NAPEPLD: variants seen among roughly 807,000 people sequenced by gnomAD.
The protein encoded by NAPEPLD is N-acyl-phosphatidylethanolamine-hydrolyzing phospholipase D.
NAPEPLD carries 23 observed loss-of-function variants against 38.1 expected under a neutral mutation model. The observed-to-expected ratio is 0.60, with a 90% CI of 0.43 to 0.86. The LOEUF is 0.86. Among genes scored for constraint, NAPEPLD ranks in the 40% least tolerant of loss-of-function variants. The pLI, the probability that NAPEPLD is intolerant of heterozygous loss-of-function variation, is 0.00. For missense variants in NAPEPLD, 411 were observed against 476.8 expected, an observed-to-expected ratio of 0.86 and a Z score of 1.28; for synonymous variants, 147 against 162.0, an observed-to-expected ratio of 0.91 and a Z score of 0.71.
intron 2 of NAPEPLD, among the ~76,000 whole-genome samples, chr7:103,121,053 C>T (rs1806596316): frequency 6.6e-6 from 1 of 152,170 alleles, no homozygotes; most frequent in Admixed American, 6.5e-5. Context: ...AAATGGAGCG[C>T]TGTGATGATT....
At chr7:103,149,339 G>T, upstream of NAPEPLD, 1 of 1,149,566 alleles carries the variant, frequency 8.7e-7, no homozygotes, top group Non-Finnish European at 1.1e-6. Context: ...CGGCCACAGA[G>T]TCCCCGCGCA....
chr7:103,117,908 C>T (rs1403159882), intron 3 of NAPEPLD, among the ~76,000 whole-genome samples: 1 of 152,178 alleles, frequency 6.6e-6, no homozygotes, highest in Non-Finnish European at 1.5e-5. Context: ...TCAGGCTGGG[C>T]ATGGTGGCTA....
At chr7:103,149,244 A>AG, upstream of NAPEPLD, 2 of 997,318 alleles carry the variant, frequency 2.0e-6, no homozygotes, top group Non-Finnish European at 2.4e-6. Context: ...GCGCGGCCAG[A>AG]GCGGCGGGGT....
At chr7:103,117,242 TA>T (rs1296475295) in intron 3 of NAPEPLD, among the ~76,000 whole-genome samples, 2 of 152,220 alleles carry the variant, frequency 1.3e-5, no homozygotes, top group African/African-American at 4.8e-5. Flanking sequence ...TGCTGGGTCC[TA>T]CAGAAGGCTG....
intron 1 of NAPEPLD, among the ~76,000 whole-genome samples, chr7:103,145,825 T>A (rs1363844376): frequency 6.6e-6 from 1 of 151,774 alleles, no homozygotes; most frequent in Non-Finnish European, 1.5e-5. Flanking sequence ...ACAATCAGCA[T>A]AGGAAGATAA....
chr7:103,103,318 G>A lies in NAPEPLD; in HGVS notation c.*111C>T, dbSNP rs1802656382. On this transcript the variant is annotated 3_prime_UTR_variant, in exon 5 of 5. Transcript: ENST00000465647. ...AAACATAAAACATAAACTTGCAGAA[G>A]TTGTTTCCAAATGTAAAATAATCAC... is the stretch of plus-strand genomic sequence containing the variant. The A allele has an allele frequency of 8.6e-6, 11 of 1,284,584 alleles. No individual in the cohort carries two copies. The highest frequency in any genetic ancestry group is 1.5e-5 in the African/African-American group (1 of 66,330). 79.6% of individuals were successfully genotyped at this position (1,284,584 alleles called of 1,614,324 possible).
chr7:103,141,235 G>A, intron 1 of NAPEPLD: 1 of 392,046 alleles, frequency 2.6e-6, no homozygotes, highest in East Asian at 4.5e-5. Context: ...ATTACCTGTG[G>A]AGTTGTTTTT....
intron 4 of NAPEPLD, among the ~76,000 whole-genome samples, chr7:103,104,732 GAAAA>G (rs1179786394): frequency 6.6e-6 from 1 of 151,972 alleles, no homozygotes; most frequent in Non-Finnish European, 1.5e-5. Context: ...TATATATAAA[GAAAA>G]AAGATCACTA....
intron 1 of NAPEPLD, among the ~76,000 whole-genome samples, chr7:103,133,915 C>CA (rs532126720): frequency 1.4e-3 from 207 of 152,216 alleles, no homozygotes; most frequent in African/African-American, 4.5e-3. Context: ...GATTTTGATT[C>CA]AATTTAAGAT....
At chr7:103,112,644 C>G (rs912028958) in intron 4 of NAPEPLD, among the ~76,000 whole-genome samples, 33 of 151,864 alleles carry the variant, frequency 2.2e-4, no homozygotes, top group Non-Finnish European at 4.3e-4. Flanking sequence ...AGGAGAAATA[C>G]CTAATGTAGA....
At chr7:103,127,680 G>A (rs1336642838) in intron 2 of NAPEPLD, 2 of 152,102 alleles carry the variant, frequency 1.3e-5, no homozygotes, top group African/African-American at 4.8e-5. Context: ...GAGGCCATAG[G>A]AGGCAGGGAA....
chr7:103,103,632 A>G, intron 4 of NAPEPLD, 78 bp from the exon 5 acceptor site: 1 of 1,452,220 alleles, frequency 6.9e-7, no homozygotes, highest in Non-Finnish European at 9.2e-7. Flanking sequence ...AGTTCAAACT[A>G]AAATAACCAA....
chr7:103,103,492 T>C lies in NAPEPLD; in HGVS notation c.1119A>G (p.Glu373=). 1.9e-6 allele frequency: 3 copies of C among 1,599,480 alleles called. No individual in the cohort carries two copies. Among genetic ancestry groups the C allele is most frequent in the Non-Finnish European group, 2.6e-6 (3 of 1,176,372 alleles). The change falls in exon 5 of 5, where the codon GAA becomes GAG. Residue 373 remains glutamate (E), a synonymous_variant. Coordinates refer to ENST00000465647, the MANE Select transcript of NAPEPLD (RefSeq NM_001122838.3). ...EALERYGLNA[E]DFFVLKHGES... is the part of the protein sequence containing the mutation. ...CTCCATGCTTCAAGACAAAAAAATC[T>C]TCAGCGTTAAGTCCGTATCTCTCTA...
rs775407556 is a variant in NAPEPLD at position 103,103,588 on chromosome 7, A to G, written c.1057-34T>C. The G allele has an allele frequency of 9.6e-6, 15 of 1,560,602 alleles. No homozygotes were observed. In the East Asian group the frequency reaches 3.5e-4, roughly 36 times the overall value. On this transcript the variant is annotated intron_variant, in intron 4 of 4. Coordinates refer to ENST00000465647, the MANE Select transcript of NAPEPLD (RefSeq NM_001122838.3). ...AGAGAAAGAAGAAAAATAGAAAAAG[A>G]TTAAACATATATTTGGGAGATTTTC...
At chr7:103,125,760 G>T (rs1379411995) in intron 2 of NAPEPLD, among the ~76,000 whole-genome samples, 1 of 151,890 alleles carries the variant, frequency 6.6e-6, no homozygotes, top group Non-Finnish European at 1.5e-5. Flanking sequence ...GGTGGCAGGC[G>T]CCCATGGTCC....
intron 2 of NAPEPLD, among the ~76,000 whole-genome samples, chr7:103,124,119 A>C (rs993837935): frequency 6.6e-6 from 1 of 152,122 alleles, no homozygotes. Context: ...AGGGCAACAT[A>C]GTGAGATCCT....
At chr7:103,126,101 C>G (rs1219117145) in intron 2 of NAPEPLD, among the ~76,000 whole-genome samples, 2 of 151,984 alleles carry the variant, frequency 1.3e-5, no homozygotes, top group African/African-American at 4.8e-5. Context: ...GAGTTTGAGG[C>G]TGTAGTGAGC....
intron 1 of NAPEPLD, among the ~76,000 whole-genome samples, chr7:103,129,870 C>A (rs1208774737): frequency 6.6e-6 from 1 of 152,196 alleles, no homozygotes; most frequent in Non-Finnish European, 1.5e-5. Flanking sequence ...GTAACACACA[C>A]ATAAACCCAA....
At chr7:103,122,164 C>T (rs1333265300) in intron 2 of NAPEPLD, among the ~76,000 whole-genome samples, 3 of 150,478 alleles carry the variant, frequency 2.0e-5, no homozygotes, top group Non-Finnish European at 2.9e-5. Flanking sequence ...TGGCGTCGAA[C>T]TCCTGGGCTG....
Sources: gnomAD v4.1 joint callset for allele counts (sites outside exome capture counted in the v4.1 genomes callset) on GRCh38, gnomAD v4.1.1 for gene constraint, MANE v1.5 for transcripts, NCBI Gene and HGNC (gene_info 2026-07-23, HGNC 2026-07-21) for gene names.